Variants in EPDR1 observed in about 807,000 individuals in gnomAD.
The protein encoded by EPDR1 is mammalian ependymin-related protein 1.
EPDR1 carries 27 observed loss-of-function variants against 23.7 expected under a neutral mutation model. The observed-to-expected ratio is 1.14, with a 90% CI of 0.84 to 1.57. The LOEUF is 1.57. EPDR1 is among the 40% of genes most tolerant of loss of function. The pLI is 0.00. For synonymous variants in EPDR1, 137 were observed against 118.2 expected, an observed-to-expected ratio of 1.16 and a Z score of -1.03; for missense variants, 349 against 290.4, an observed-to-expected ratio of 1.20 and a Z score of -1.47.
chr7:37,934,198 G>A (rs963739638), intron 1 of EPDR1, among the ~76,000 whole-genome samples: 2 of 152,022 alleles, frequency 1.3e-5, no homozygotes, highest in Admixed American at 6.6e-5. Context: ...GGATGGTCTC[G>A]ATCTCCTGAC....
At position 37,941,188 on chromosome 7, in the gene EPDR1, A is replaced by G. The variant is rs552900436; in HGVS notation, c.270-7652A>G. On this transcript the variant is annotated intron_variant, in intron 1 of 2. Transcript: ENST00000199448. ...CCAGAGTGGTACTCAATAGACTAAG[A>G]TAGATGGATGTCATTTACTATACCA... is the stretch of plus-strand genomic sequence containing the variant. 2.6e-5 allele frequency among the ~76,000 whole-genome samples: 4 copies of G among 152,334 alleles called. No homozygotes were observed. In the South Asian group the frequency reaches 8.3e-4, roughly 32 times the overall value.
chr7:37,932,611 G>T (rs1162394533), intron 1 of EPDR1, among the ~76,000 whole-genome samples: 3 of 152,176 alleles, frequency 2.0e-5, no homozygotes, highest in Non-Finnish European at 2.9e-5. Context: ...TCAACATGGT[G>T]GGAATTGATC....
chr7:37,946,583 G>T (rs560548675), intron 1 of EPDR1, among the ~76,000 whole-genome samples: 1 of 152,282 alleles, frequency 6.6e-6, no homozygotes, highest in Admixed American at 6.5e-5. Flanking sequence ...TTACATAAAA[G>T]GTAACTGTGA....
At chr7:37,940,096 A>G (rs1188299981) in intron 1 of EPDR1, among the ~76,000 whole-genome samples, 1 of 152,222 alleles carries the variant, frequency 6.6e-6, no homozygotes, top group Admixed American at 6.5e-5. Context: ...TTACATGGCC[A>G]TGAAAAAATA....
At chr7:37,944,711 C>T (rs1007384743) in intron 1 of EPDR1, among the ~76,000 whole-genome samples, 1 of 152,166 alleles carries the variant, frequency 6.6e-6, no homozygotes, top group African/African-American at 2.4e-5. Context: ...AATTACCTCC[C>T]CCCAGGTCCC....
chr7:37,933,418 G>A (rs1343269360), intron 1 of EPDR1, among the ~76,000 whole-genome samples: 1 of 152,168 alleles, frequency 6.6e-6, no homozygotes, highest in Non-Finnish European at 1.5e-5. Flanking sequence ...AGAGCGAGAA[G>A]GCACATGGTG....
rs570393670 is a variant in EPDR1 at position 37,951,834 on chromosome 7, A to G, written c.*1438A>G. On this transcript the variant is annotated 3_prime_UTR_variant, in exon 3 of 3. Transcript: ENST00000199448. ...TTAAACAAATTTAATTGCATTTTAA[A>G]GCATTCTTTGATACTGTTGCTTTTG... 3 of 152,312 alleles carry G rather than the reference A, an allele frequency of 2.0e-5. No homozygotes were observed. Among genetic ancestry groups the G allele is most frequent in the Non-Finnish European group, 4.4e-5 (3 of 68,030 alleles). 9.4% of individuals were successfully genotyped at this position (152,312 alleles called of 1,614,324 possible). A position where few individuals can be genotyped will look rare whatever the true frequency, so the allele number is the denominator to read the frequency against.
rs758554472 is a variant in EPDR1 at position 37,920,829 on chromosome 7, C to T, written c.-111C>T. The T allele has an allele frequency of 6.2e-7, 1 of 1,610,480 alleles. No homozygotes were observed. The highest frequency in any genetic ancestry group is 8.5e-7 in the Non-Finnish European group (1 of 1,178,468). On this transcript the variant is annotated 5_prime_UTR_variant, in exon 1 of 3. Coordinates refer to ENST00000199448, the MANE Select transcript of EPDR1 (RefSeq NM_017549.5). ...GGGACAGGAAGCACTTTGGTCCAGA[C>T]CACACTCCCGGCACAGTGCGGAAAG...
rs57925993 is a variant in EPDR1, at chr7:37,936,039, T to TATATATATATATATACAC, written c.270-12800_270-12799insTATATATATATATACACA. Among the ~76,000 whole-genome samples, 4 of 80,940 alleles carry TATATATATATATATACAC rather than the reference T, an allele frequency of 4.9e-5. 1 individual carries two copies. The highest frequency in any genetic ancestry group is 1.5e-4 in the Admixed American group (1 of 6,714). The allele number at this position is 80,940 out of a possible 152,430, so 53.1% of individuals were successfully genotyped here. On this transcript the variant is annotated intron_variant, in intron 1 of 2. Transcript: ENST00000199448. Reference sequence around the variant, plus strand: ...ATATATATATATATATATATATATATACACAAGGGAAATGTGAATCTGTTA... The same window carrying TATATATATATATATACAC: ...ATATATATATATATATATATATATATATATATATATATATACACACACAAGGGAAATGTGAATCTGTTA...
intron 1 of EPDR1, among the ~76,000 whole-genome samples, chr7:37,946,671 T>C (rs867055748): frequency 3.9e-5 from 6 of 152,198 alleles, no homozygotes; most frequent in Admixed American, 6.5e-5. Context: ...TCCATGCATG[T>C]TACTGGCCCT....
intron 1 of EPDR1, chr7:37,921,485 C>A (rs1308343401): frequency 1.5e-6 from 2 of 1,352,742 alleles, no homozygotes; most frequent in East Asian, 3.0e-5. Context: ...CGGGATCAAG[C>A]TGCAGAGTGC....
rs181970687 is a variant in EPDR1 at position 37,927,009 on chromosome 7, T to A, written c.269+5801T>A. Reference sequence around the variant, plus strand: ...CAAATTGGTTTCTATGTTCTTTTGATGTGTTTGGGCACTTCCTTGCTTTCC... The same window carrying A: ...CAAATTGGTTTCTATGTTCTTTTGAAGTGTTTGGGCACTTCCTTGCTTTCC... On this transcript the variant is annotated intron_variant, in intron 1 of 2. Coordinates refer to ENST00000199448, the MANE Select transcript of EPDR1 (RefSeq NM_017549.5). Among the ~76,000 whole-genome samples the A allele has an allele frequency of 1.1e-4, 17 of 152,362 alleles. No individual in the cohort carries two copies. The East Asian group carries it at 3.3e-3, about 29-fold the overall frequency.
At chr7:37,927,262 C>T (rs898617979) in intron 1 of EPDR1, among the ~76,000 whole-genome samples, 7 of 152,212 alleles carry the variant, frequency 4.6e-5, no homozygotes, top group Non-Finnish European at 7.3e-5. Flanking sequence ...CACACACACT[C>T]ATACATATAT....
intron 2 of EPDR1, among the ~76,000 whole-genome samples, chr7:37,949,665 C>T (rs1300559051): frequency 6.6e-6 from 1 of 152,174 alleles, no homozygotes; most frequent in African/African-American, 2.4e-5. Context: ...TATTTGTACA[C>T]CCATGTCCAC....
chr7:37,950,438 T>A lies in EPDR1; in HGVS notation c.*42T>A. 1 of 1,534,350 alleles carries A rather than the reference T, an allele frequency of 6.5e-7. No individual in the cohort carries two copies. Among genetic ancestry groups the A allele is most frequent in the Non-Finnish European group, 8.8e-7 (1 of 1,133,004 alleles). Reference sequence around the variant, plus strand: ...GCGGCAGCATCGGATGTCAGCCCCCTGCGGCCCCAGCTGGAGATGGATATG... The same window carrying A: ...GCGGCAGCATCGGATGTCAGCCCCCAGCGGCCCCAGCTGGAGATGGATATG... On this transcript the variant is annotated 3_prime_UTR_variant, in exon 3 of 3. Coordinates refer to ENST00000199448, the MANE Select transcript of EPDR1 (RefSeq NM_017549.5).
At chr7:37,942,229 T>G (rs1447199546) in intron 1 of EPDR1, among the ~76,000 whole-genome samples, 1 of 152,292 alleles carries the variant, frequency 6.6e-6, no homozygotes, top group South Asian at 2.1e-4. Flanking sequence ...AATCCATCAG[T>G]GGATGAATGG....
chr7:37,951,296 A>G lies in EPDR1; in HGVS notation c.*900A>G, dbSNP rs944251893. 2 of 152,238 alleles carry G rather than the reference A, an allele frequency of 1.3e-5. No homozygotes were observed. Among genetic ancestry groups the G allele is most frequent in the African/African-American group, 4.8e-5 (2 of 41,446 alleles). The allele number at this position is 152,238 out of a possible 1,614,324, so 9.4% of individuals were successfully genotyped here. Reference sequence around the variant, plus strand: ...CATTAAATGCACTGGGCTTGCCCGCACTTTGGCCTTCCTAGAACACTGCTT... The same window carrying G: ...CATTAAATGCACTGGGCTTGCCCGCGCTTTGGCCTTCCTAGAACACTGCTT... On this transcript the variant is annotated 3_prime_UTR_variant, in exon 3 of 3. Transcript: ENST00000199448.
chr7:37,940,440 C>A (rs1207101799), intron 1 of EPDR1, among the ~76,000 whole-genome samples: 1 of 152,006 alleles, frequency 6.6e-6, no homozygotes, highest in African/African-American at 2.4e-5. Context: ...GAATTGGGAA[C>A]AAACTAAAAC....
chr7:37,946,665 T>C (rs1308468223), intron 1 of EPDR1, among the ~76,000 whole-genome samples: 4 of 152,192 alleles, frequency 2.6e-5, no homozygotes, highest in Non-Finnish European at 5.9e-5. Flanking sequence ...GACAGCTCCA[T>C]GCATGTTACT....
Sources: gnomAD v4.1 joint callset for allele counts (sites outside exome capture counted in the v4.1 genomes callset) on GRCh38, gnomAD v4.1.1 for gene constraint, MANE v1.5 for transcripts, NCBI Gene and HGNC (gene_info 2026-07-23, HGNC 2026-07-21) for gene names.